Variants in ATAD2B observed in about 807,000 individuals in gnomAD.
The protein encoded by ATAD2B is ATPase family AAA domain containing 2B, also known as ATPase family AAA domain-containing protein 2B.
Under a neutral mutation model 167.6 loss-of-function variants are expected in ATAD2B, and 40 were observed. The ratio of observed to expected loss-of-function variants is 0.24; its 90% CI spans 0.19 to 0.31. The LOEUF (loss-of-function observed/expected upper bound fraction) is 0.31, where lower values mean the gene tolerates loss of function less well. ATAD2B is among the 10% of genes least tolerant of loss of function. The pLI is 1.00. For missense variants in ATAD2B, 1,242 were observed against 1,757.2 expected (o/e 0.71, Z 5.24); for synonymous variants, 579 against 596.5 (o/e 0.97, Z 0.43).
At chr2:23,911,271 T>C (rs770673714) in intron 1 of ATAD2B, among the ~76,000 whole-genome samples, 3 of 150,574 alleles carry the variant, frequency 2.0e-5, no homozygotes, top group East Asian at 2.0e-4. Context: ...TGAGAGTTAA[T>C]TGGCTAGGCA....
At chr2:23,915,896 T>C (rs1221473666) in intron 1 of ATAD2B, among the ~76,000 whole-genome samples, 1 of 152,144 alleles carries the variant, frequency 6.6e-6, no homozygotes, top group Admixed American at 6.5e-5. Flanking sequence ...TGGCCTCAAT[T>C]CATTATTTTG....
In ATAD2B at chr2:23,798,221, T is replaced by A. The variant is rs1350641507; in HGVS notation, c.2557A>T (p.Thr853Ser). 4 of 1,608,568 alleles carry A rather than the reference T, an allele frequency of 2.5e-6. No individual in the cohort carries two copies. The highest frequency in any genetic ancestry group is 1.3e-5 in the African/African-American group (1 of 74,756). The change falls in exon 19 of 28, where the codon ACA (threonine) becomes TCA (serine). Residue 853 changes from threonine to serine, a missense_variant. Thr to Ser is a moderately conservative substitution (Grantham distance 58). Coordinates refer to ENST00000238789, the MANE Select transcript of ATAD2B (RefSeq NM_017552.4). ...AATGATGGTATATCTTGTAGCAATG[T>A]CAGAAAAGTTGCTCTCACAGTTTCA... ...VSETVRATFL[T>S]LLQDIPSFSP...
In ATAD2B at chr2:23,810,443, C is replaced by T. The variant is rs1424126623; in HGVS notation, c.2327G>A (p.Gly776Asp). The T allele has an allele frequency of 6.2e-7, 1 of 1,613,726 alleles. No homozygotes were observed. Among genetic ancestry groups the T allele is most frequent in the Non-Finnish European group, 8.5e-7 (1 of 1,179,842 alleles). ...RPRLLLSGER[G>D]SGQTSHLAPA... Reference sequence around the variant, plus strand: ...AGCAAGGTGAGAAGTTTGACCTGAGCCCCGTTCTCCAGAGAGCAATAAGCG... The same window carrying T: ...AGCAAGGTGAGAAGTTTGACCTGAGTCCCGTTCTCCAGAGAGCAATAAGCG... Residue 776 changes from glycine to aspartate, a missense_variant, in exon 18 of 28, where the codon GGC becomes GAC. Transcript: ENST00000238789.
Position 23,754,216 on chromosome 2 carries a change from C to A in ATAD2B, c.4298G>T (p.Arg1433Leu). ...TGATTTGTCATAATCTTTACGATGA[C>A]GGTAGATACACTGACTAAGAAGAGA... ...LYSLLSQCIY[R>L]HRKDYDKSQL... Residue 1433 changes from arginine to leucine, a missense_variant, in exon 27 of 28, where the codon CGT becomes CTT. This residue lies in a region of ATAD2B where 282 missense variants were observed against 346.8 expected (regional missense o/e 0.81). Coordinates refer to ENST00000238789, the MANE Select transcript of ATAD2B (RefSeq NM_017552.4). 1 of 1,557,462 alleles carries A rather than the reference C, an allele frequency of 6.4e-7. No individual in the cohort carries two copies. The highest frequency in any genetic ancestry group is 8.7e-7 in the Non-Finnish European group (1 of 1,149,462).
intron 18 of ATAD2B, among the ~76,000 whole-genome samples, chr2:23,808,151 AT>A (rs1461168613): frequency 1.6e-3 from 45 of 28,642 alleles, no homozygotes; most frequent in Non-Finnish European, 2.8e-3. Context: ...CTTATATTAT[AT>A]GTTATTTATA....
chr2:23,739,555 G>A, the ATAD2B span, among the ~76,000 whole-genome samples: 1 of 151,922 alleles, frequency 6.6e-6, no homozygotes, highest in African/African-American at 2.4e-5. Context: ...AAAGCAGTGT[G>A]TAGAGGGAAA....
At chr2:23,809,792 T>C (rs7577660) in intron 18 of ATAD2B, among the ~76,000 whole-genome samples, 20 of 152,104 alleles carry the variant, frequency 1.3e-4, no homozygotes, top group African/African-American at 3.9e-4. Flanking sequence ...TCAAGAAATA[T>C]AAACAGCCCC....
At chr2:23,804,221 G>A (rs769817326) in intron 18 of ATAD2B, among the ~76,000 whole-genome samples, 3 of 152,074 alleles carry the variant, frequency 2.0e-5, no homozygotes, top group Non-Finnish European at 4.4e-5. Flanking sequence ...TCTTCTTGCC[G>A]AATTTGTTAG....
intron 13 of ATAD2B, among the ~76,000 whole-genome samples, chr2:23,853,761 T>G (rs1274321007): frequency 6.6e-6 from 1 of 152,044 alleles, no homozygotes; most frequent in South Asian, 2.1e-4. Context: ...AAAGAACAAA[T>G]TTGGAGGACT....
chr2:23,711,317 A>AGTAATCTT, the ATAD2B span, among the ~76,000 whole-genome samples: 2 of 139,530 alleles, frequency 1.4e-5, no homozygotes, highest in African/African-American at 5.3e-5. Context: ...AGGGACAGAG[A>AGTAATCTT]GTAATCTTTC....
intron 1 of ATAD2B, among the ~76,000 whole-genome samples, chr2:23,910,011 C>T (rs981910285): frequency 6.6e-6 from 1 of 151,522 alleles, no homozygotes; most frequent in African/African-American, 2.4e-5. Flanking sequence ...TACAGGCACA[C>T]ACGACCATAC....
At chr2:23,692,640 C>T in the ATAD2B span, among the ~76,000 whole-genome samples, 1 of 152,292 alleles carries the variant, frequency 6.6e-6, no homozygotes, top group Admixed American at 6.5e-5. Context: ...CCAGACACGC[C>T]TAGGTTGGAA....
the ATAD2B span, among the ~76,000 whole-genome samples, chr2:23,743,384 C>T: frequency 6.6e-6 from 1 of 151,884 alleles, no homozygotes; most frequent in Non-Finnish European, 1.5e-5. Context: ...CTGACCAACA[C>T]GGTGAAACCC....
intron 4 of ATAD2B, among the ~76,000 whole-genome samples, chr2:23,886,711 C>T (rs936659419): frequency 1.3e-5 from 2 of 151,946 alleles, no homozygotes; most frequent in Non-Finnish European, 2.9e-5. Flanking sequence ...GCAGGCGGAT[C>T]ACGAGGTCAG....
At chr2:23,839,133 CATCT>C (rs1690473315) in intron 13 of ATAD2B, among the ~76,000 whole-genome samples, 1 of 152,116 alleles carries the variant, frequency 6.6e-6, no homozygotes, top group Non-Finnish European at 1.5e-5. Flanking sequence ...ACCTTCTTAG[CATCT>C]ATCTACAGGT....
intron 18 of ATAD2B, among the ~76,000 whole-genome samples, chr2:23,808,068 AAT>A (rs1491141929): frequency 1.6e-4 from 10 of 60,952 alleles, no homozygotes; most frequent in Non-Finnish European, 2.9e-4. Flanking sequence ...TATAAATTAT[AAT>A]ATATAAGTAA....
chr2:23,795,816 T>C (rs1462567556), intron 19 of ATAD2B, among the ~76,000 whole-genome samples: 1 of 151,790 alleles, frequency 6.6e-6, no homozygotes, highest in African/African-American at 2.4e-5. Context: ...GAGATGGTGG[T>C]TGCAGTGAGC....
chr2:23,703,820 A>G, the ATAD2B span: 1 of 1,537,428 alleles, frequency 6.5e-7, no homozygotes, highest in African/African-American at 1.4e-5. Context: ...GAAAGGAAAC[A>G]TTAAGGCGGG....
chr2:23,877,194 T>C (rs146565832), intron 7 of ATAD2B, among the ~76,000 whole-genome samples: 1,647 of 152,102 alleles, frequency 0.011, 17 homozygotes, highest in Middle Eastern at 0.037. Flanking sequence ...AGGACTGCTT[T>C]GAGCCCAGGA....
Sources: gnomAD v4.1 joint callset for allele counts (sites outside exome capture counted in the v4.1 genomes callset) on GRCh38, gnomAD v4.1.1 for gene constraint, gnomAD v4.1.1 regional missense constraint, MANE v1.5 for transcripts, NCBI Gene and HGNC (gene_info 2026-07-23, HGNC 2026-07-21) for gene names.